Variants in MAGI1 observed in about 807,000 individuals in gnomAD.
MAGI1 encodes the protein membrane-associated guanylate kinase, WW and PDZ domain-containing protein 1.
MAGI1 carries 58 observed loss-of-function variants against 139.9 expected under a neutral mutation model. That is an observed-to-expected ratio of 0.41 (90% confidence interval 0.34 to 0.52). The LOEUF (loss-of-function observed/expected upper bound fraction) is 0.52, where lower values mean the gene tolerates loss of function less well. MAGI1 is among the 20% of genes least tolerant of loss of function. The probability of loss-of-function intolerance (pLI) is 0.12; values close to 1 mark genes in which losing one functional copy is unlikely to be tolerated. For synonymous variants in MAGI1, 812 were observed against 737.9 expected (o/e 1.10, Z -1.63); for missense variants, 1,874 against 1,901.6 (o/e 0.99, Z 0.27).
chr3:65,987,819 T>C (rs2065957621), intron 1 of MAGI1, among the ~76,000 whole-genome samples: 1 of 152,220 alleles, frequency 6.6e-6, no homozygotes, highest in Non-Finnish European at 1.5e-5. Flanking sequence ...TCTGCCTGCC[T>C]TGGCCTCCCA....
intron 10 of MAGI1, among the ~76,000 whole-genome samples, chr3:65,435,351 G>T (rs943905866): frequency 6.6e-6 from 1 of 152,188 alleles, no homozygotes; most frequent in African/African-American, 2.4e-5. Flanking sequence ...ACCGTCTCAA[G>T]TCTTAGTTGG....
At chr3:65,830,940 A>G (rs941339116) in intron 1 of MAGI1, among the ~76,000 whole-genome samples, 3 of 152,208 alleles carry the variant, frequency 2.0e-5, no homozygotes, top group African/African-American at 7.2e-5. Context: ...AAGGTTACAC[A>G]GTATCTTTAA....
chr3:65,710,769 T>C lies in MAGI1; in HGVS notation c.314-88681A>G, dbSNP rs910406639. 3.9e-5 allele frequency among the ~76,000 whole-genome samples: 6 copies of C among 152,204 alleles called. No homozygotes were observed. The South Asian group carries it at 1.2e-3, about 32-fold the overall frequency. ...AACAAATCAAGGTAGAAGCAAAACT[T>C]GAACCAATGTCTTCCAGTGTCCAGT... On this transcript the variant is annotated intron_variant, in intron 1 of 22. Coordinates refer to ENST00000402939, the MANE Select transcript of MAGI1 (RefSeq NM_001033057.2).
At chr3:65,820,472 T>C (rs1316651498) in intron 1 of MAGI1, among the ~76,000 whole-genome samples, 1 of 152,172 alleles carries the variant, frequency 6.6e-6, no homozygotes, top group Non-Finnish European at 1.5e-5. Flanking sequence ...GGATCTCTTT[T>C]AAGTCGAGGA....
At chr3:65,383,677 T>G (rs182790705) in intron 14 of MAGI1, 54 bp from the exon 15 acceptor site, 280 of 1,053,950 alleles carry the variant, frequency 2.7e-4, no homozygotes, top group Admixed American at 1.5e-3. Context: ...AAAGCAATGA[T>G]ACCCCCAAGA....
At chr3:65,497,603 CA>C (rs940816165) in intron 2 of MAGI1, among the ~76,000 whole-genome samples, 5 of 151,910 alleles carry the variant, frequency 3.3e-5, no homozygotes, top group Non-Finnish European at 7.4e-5. Context: ...CAAAATAAAA[CA>C]AAACAAAAAA....
At chr3:65,691,876 C>G (rs1431542242) in intron 1 of MAGI1, among the ~76,000 whole-genome samples, 7 of 152,188 alleles carry the variant, frequency 4.6e-5, no homozygotes, top group African/African-American at 1.7e-4. Flanking sequence ...GTGCTTAAAC[C>G]AGTTCCAACC....
chr3:65,891,885 AATATATATATATATATAT>A (rs55826911), intron 1 of MAGI1, among the ~76,000 whole-genome samples: 789 of 37,526 alleles, frequency 0.021, 23 homozygotes, highest in Admixed American at 0.032. Flanking sequence ...CTTAAAGTAT[AATATATATATATATATAT>A]ATATATATAT....
At chr3:65,615,522 G>A (rs1316459212) in intron 2 of MAGI1, among the ~76,000 whole-genome samples, 1 of 152,184 alleles carries the variant, frequency 6.6e-6, no homozygotes, top group Non-Finnish European at 1.5e-5. Flanking sequence ...CTGTAGAAAT[G>A]CAAAGTGGTT....
chr3:65,922,469 G>GT (rs35823154), intron 1 of MAGI1, among the ~76,000 whole-genome samples: 113,347 of 152,024 alleles, frequency 0.75, 43,019 homozygotes, highest in East Asian at 0.94. Flanking sequence ...TGAAGAGGAG[G>GT]TAAAAACTGG....
intron 1 of MAGI1, among the ~76,000 whole-genome samples, chr3:65,819,281 A>G (rs538127690): frequency 1.3e-5 from 2 of 152,150 alleles, no homozygotes; most frequent in South Asian, 4.1e-4. Context: ...ATGAAATTCC[A>G]TCTCAAAAAA....
chr3:65,530,948 G>A (rs540809455), intron 2 of MAGI1, among the ~76,000 whole-genome samples: 24 of 149,834 alleles, frequency 1.6e-4, no homozygotes, highest in African/African-American at 5.2e-4. Context: ...GTTATTATTC[G>A]TAGTTCCCAT....
intron 1 of MAGI1, among the ~76,000 whole-genome samples, chr3:65,791,614 G>A (rs944564971): frequency 2.6e-5 from 4 of 152,104 alleles, no homozygotes; most frequent in African/African-American, 7.2e-5. Flanking sequence ...AAGAGGTGGA[G>A]GATGGTCACA....
chr3:65,669,401 T>C (rs572383585), intron 1 of MAGI1, among the ~76,000 whole-genome samples: 3 of 152,248 alleles, frequency 2.0e-5, no homozygotes, highest in African/African-American at 7.2e-5. Flanking sequence ...TTGGTCAAGT[T>C]TTCCCTGGCA....
At chr3:65,544,528 G>C (rs1448011810) in intron 2 of MAGI1, among the ~76,000 whole-genome samples, 1 of 152,184 alleles carries the variant, frequency 6.6e-6, no homozygotes, top group East Asian at 1.9e-4. Flanking sequence ...CCATGATTGT[G>C]TTTCCTAATA....
At chr3:65,592,514 T>C (rs1359307992) in intron 2 of MAGI1, among the ~76,000 whole-genome samples, 1 of 152,190 alleles carries the variant, frequency 6.6e-6, no homozygotes, top group Non-Finnish European at 1.5e-5. Flanking sequence ...AGGTAGGATA[T>C]TTGTGTTACA....
At chr3:65,627,390 G>A (rs1489693969) in intron 1 of MAGI1, among the ~76,000 whole-genome samples, 1 of 150,548 alleles carries the variant, frequency 6.6e-6, no homozygotes, top group Non-Finnish European at 1.5e-5. Flanking sequence ...CCAAGAAAGG[G>A]GTTCAGAGTT....
intron 2 of MAGI1, among the ~76,000 whole-genome samples, chr3:65,553,199 C>T (rs553599282): frequency 2.0e-5 from 3 of 150,818 alleles, no homozygotes; most frequent in Non-Finnish European, 3.0e-5. Flanking sequence ...CTGATTTAAT[C>T]TATCAGCTAT....
chr3:65,423,367 C>T (rs966709020), intron 12 of MAGI1, among the ~76,000 whole-genome samples: 2 of 150,754 alleles, frequency 1.3e-5, no homozygotes, highest in African/African-American at 2.5e-5. Flanking sequence ...GAAAAACACA[C>T]GTGCGTGCAC....
Sources: gnomAD v4.1 joint callset for allele counts (sites outside exome capture counted in the v4.1 genomes callset) on GRCh38, gnomAD v4.1.1 for gene constraint, MANE v1.5 for transcripts, NCBI Gene and HGNC (gene_info 2026-07-23, HGNC 2026-07-21) for gene names.